GALNT18: variants seen among roughly 807,000 people sequenced by gnomAD.
GALNT18 encodes GalNAc-transferase 18.
GALNT18 carries 44 observed loss-of-function variants against 69.5 expected under a neutral mutation model. The ratio of observed to expected loss-of-function variants is 0.63; its 90% CI spans 0.50 to 0.81. The LOEUF (loss-of-function observed/expected upper bound fraction) is 0.81, where lower values mean the gene tolerates loss of function less well. Among genes scored for constraint, GALNT18 ranks in the 40% least tolerant of loss-of-function variants. GALNT18 has a pLI of 0.00. For synonymous variants in GALNT18, 364 were observed against 318.2 expected, an observed-to-expected ratio of 1.14 and a Z score of -1.53; for missense variants, 715 against 810.0, an observed-to-expected ratio of 0.88 and a Z score of 1.42.
chr11:11,502,699 T>G (rs997218335), intron 1 of GALNT18, among the ~76,000 whole-genome samples: 1 of 152,262 alleles, frequency 6.6e-6, no homozygotes, highest in Admixed American at 6.5e-5. Context: ...CTGTATGAAA[T>G]GCAAACATCC....
chr11:11,422,077 CTT>C (rs1855022372), intron 3 of GALNT18, among the ~76,000 whole-genome samples: 1 of 152,062 alleles, frequency 6.6e-6, no homozygotes, highest in African/African-American at 2.4e-5. Context: ...ATGAGAGAAA[CTT>C]TACTTCCATA....
rs1045639162 is a variant in GALNT18 at position 11,504,840 on chromosome 11, C to G, written c.236-55904G>C. Among the ~76,000 whole-genome samples, 3 of 152,054 alleles carry G rather than the reference C, an allele frequency of 2.0e-5. No individual in the cohort carries two copies. The South Asian group carries it at 6.2e-4, about 32-fold the overall frequency. ...GGCAAGAGGGGCAATTTACTGAGTG[C>G]CAATTATGTGCTGGGCATTCTGTTT... On this transcript the variant is annotated intron_variant, in intron 1 of 10. Transcript: ENST00000227756.
chr11:11,437,944 A>G (rs1855446557), intron 2 of GALNT18, among the ~76,000 whole-genome samples: 1 of 152,166 alleles, frequency 6.6e-6, no homozygotes. Context: ...CACTCCCCTC[A>G]GGGGATCTTC....
chr11:11,282,576 C>T (rs971105287), intron 10 of GALNT18, among the ~76,000 whole-genome samples: 12 of 152,156 alleles, frequency 7.9e-5, no homozygotes, highest in East Asian at 3.9e-4. Context: ...TTATGTTCCT[C>T]GCTAGGATGG....
At chr11:11,301,154 C>T (rs963764685) in intron 9 of GALNT18, among the ~76,000 whole-genome samples, 2 of 152,162 alleles carry the variant, frequency 1.3e-5, no homozygotes, top group Admixed American at 6.5e-5. Flanking sequence ...CATCTCTGTG[C>T]CCGTCTTGAG....
chr11:11,536,464 G>A (rs1193241947), intron 1 of GALNT18, among the ~76,000 whole-genome samples: 1 of 152,284 alleles, frequency 6.6e-6, no homozygotes, highest in Non-Finnish European at 1.5e-5. Context: ...GACCCTCAGA[G>A]GAAGGCAAGA....
intron 1 of GALNT18, among the ~76,000 whole-genome samples, chr11:11,478,666 A>T (rs541970651): frequency 6.6e-6 from 1 of 152,348 alleles, no homozygotes; most frequent in East Asian, 1.9e-4. Context: ...TCTTTATAAA[A>T]GGGCAAATAT....
In GALNT18 at chr11:11,393,657, T is replaced by C. The variant is rs1350769650; in HGVS notation, c.596-14393A>G. 3.3e-5 allele frequency among the ~76,000 whole-genome samples: 5 copies of C among 152,214 alleles called. 1 individual carries two copies. The highest frequency in any genetic ancestry group is 1.2e-4 in the African/African-American group (5 of 41,456). The stretch of plus-strand genomic sequence containing the variant: ...GGCATGGGCTGCCAGTAGAGGAACA[T>C]CAACAGCTAGCTCAGAGACATCAGG... On this transcript the variant is annotated intron_variant, in intron 3 of 10. Coordinates refer to ENST00000227756, the MANE Select transcript of GALNT18 (RefSeq NM_198516.3).
intron 1 of GALNT18, among the ~76,000 whole-genome samples, chr11:11,472,842 A>G (rs1175195189): frequency 2.0e-5 from 3 of 152,126 alleles, no homozygotes; most frequent in African/African-American, 7.2e-5. Context: ...AAGACTATAT[A>G]TGGGCCGGGT....
rs1477498521 is a variant in GALNT18 at position 11,586,495 on chromosome 11, G to A, written c.235+34864C>T. On this transcript the variant is annotated intron_variant, in intron 1 of 10. Transcript: ENST00000227756. The surrounding 1 kb of genome is among the most constrained non-coding windows in gnomAD (Gnocchi z 4.1). Reference sequence around the variant, plus strand: ...GGAAATTCTACCTGTTCAGGGCCCAGCATCCATAACTAGCCCCAGTTTCAG... The same window carrying A: ...GGAAATTCTACCTGTTCAGGGCCCAACATCCATAACTAGCCCCAGTTTCAG... Among the ~76,000 whole-genome samples, 1 of 152,140 alleles carries A rather than the reference G, an allele frequency of 6.6e-6. No individual in the cohort carries two copies. The highest frequency in any genetic ancestry group is 2.4e-5 in the African/African-American group (1 of 41,414).
chr11:11,430,726 T>A lies in GALNT18; in HGVS notation c.595+1895A>T, dbSNP rs567909857. ...GCCTGCCCATGGCTTCTCAGCCAAA[T>A]GGTCCAACAGATTTTTCCTTCATAA... On this transcript the variant is annotated intron_variant, in intron 3 of 10. Transcript: ENST00000227756. This position sits in a 1 kb window ranked among gnomAD's most constrained non-coding sequence, Gnocchi z 4.9. Among the ~76,000 whole-genome samples, 4 of 152,318 alleles carry A rather than the reference T, an allele frequency of 2.6e-5. No homozygotes were observed. In the East Asian group the frequency reaches 7.7e-4, roughly 29 times the overall value.
rs553348868 is a variant in GALNT18, at chr11:11,602,102, C to G, written c.235+19257G>C. On this transcript the variant is annotated intron_variant, in intron 1 of 10. Coordinates refer to ENST00000227756, the MANE Select transcript of GALNT18 (RefSeq NM_198516.3). The surrounding 1 kb of genome is among the most constrained non-coding windows in gnomAD (Gnocchi z 4.7). Reference sequence around the variant, plus strand: ...GTGTTCCTACAGCCTGCCCCTATCCCTGGGCAGAATATCTATACCACTGCT... The same window carrying G: ...GTGTTCCTACAGCCTGCCCCTATCCGTGGGCAGAATATCTATACCACTGCT... Among the ~76,000 whole-genome samples the G allele has an allele frequency of 2.2e-4, 34 of 152,298 alleles. No individual in the cohort carries two copies. In the South Asian group the frequency reaches 3.5e-3, roughly 16 times the overall value.
chr11:11,279,509 C>G (rs1027314248), intron 10 of GALNT18, among the ~76,000 whole-genome samples: 1 of 152,130 alleles, frequency 6.6e-6, no homozygotes, highest in Non-Finnish European at 1.5e-5. Flanking sequence ...GGAGATAACT[C>G]AAACGTCCAT....
intron 1 of GALNT18, among the ~76,000 whole-genome samples, chr11:11,456,290 C>T (rs1855922739): frequency 6.6e-6 from 1 of 152,148 alleles, no homozygotes; most frequent in Non-Finnish European, 1.5e-5. Flanking sequence ...CATTAAGGGG[C>T]TTATTGCTGA....
chr11:11,344,070 C>G (rs1994398), intron 6 of GALNT18, among the ~76,000 whole-genome samples: 50,242 of 151,962 alleles, frequency 0.33, 9,934 homozygotes, highest in East Asian at 0.78. Context: ...CTTCTCCACT[C>G]AGCAACTGGA....
At chr11:11,448,601 G>A (rs1855714136) in intron 2 of GALNT18, 143 bp downstream of exon 2, 2 of 582,848 alleles carry the variant, frequency 3.4e-6, no homozygotes, top group Non-Finnish European at 5.7e-6. Flanking sequence ...CTTGCTGAAC[G>A]CAAGCCGAGG....
In GALNT18 at chr11:11,320,617, C is replaced by T. The variant is rs192051907; in HGVS notation, c.1512+6469G>A. 1.5e-3 allele frequency among the ~76,000 whole-genome samples: 232 copies of T among 152,286 alleles called. 1 individual carries two copies. Among genetic ancestry groups the T allele is most frequent in the African/African-American group, 5.3e-3 (221 of 41,550 alleles). Reference sequence around the variant, plus strand: ...ACGTCCTAGAGTACCCCTTTTCTTACTCTTCCATGAGCAGTGAACTTCTTG... The same window carrying T: ...ACGTCCTAGAGTACCCCTTTTCTTATTCTTCCATGAGCAGTGAACTTCTTG... On this transcript the variant is annotated intron_variant, in intron 9 of 10. Coordinates refer to ENST00000227756, the MANE Select transcript of GALNT18 (RefSeq NM_198516.3). This position sits in a 1 kb window ranked among gnomAD's most constrained non-coding sequence, Gnocchi z 4.9.
At chr11:11,316,922 C>T (rs1849766809) in intron 9 of GALNT18, among the ~76,000 whole-genome samples, 1 of 152,188 alleles carries the variant, frequency 6.6e-6, no homozygotes, top group South Asian at 2.1e-4. Context: ...TCTTGTAATG[C>T]TTGACGTAAA....
In GALNT18 at chr11:11,383,201, C is replaced by T. The variant is rs1853963798; in HGVS notation, c.596-3937G>A. ...CTGCTCAGGGCAGGCTGCTTGCCAG[C>T]TCTCATTTCTTCAGACTTAGACGCC... On this transcript the variant is annotated intron_variant, in intron 3 of 10. Coordinates refer to ENST00000227756, the MANE Select transcript of GALNT18 (RefSeq NM_198516.3). This position sits in a 1 kb window ranked among gnomAD's most constrained non-coding sequence, Gnocchi z 5.2. Among the ~76,000 whole-genome samples, 1 of 152,138 alleles carries T rather than the reference C, an allele frequency of 6.6e-6. No individual in the cohort carries two copies. The highest frequency in any genetic ancestry group is 1.5e-5 in the Non-Finnish European group (1 of 68,020).
Sources: gnomAD v4.1 joint callset for allele counts (sites outside exome capture counted in the v4.1 genomes callset) on GRCh38, gnomAD v4.1.1 for gene constraint, Gnocchi (gnomAD v3.1) non-coding constraint, MANE v1.5 for transcripts, NCBI Gene and HGNC (gene_info 2026-07-23, HGNC 2026-07-21) for gene names.